The following TRAPPC9 variants were observed in gnomAD, a reference collection of about 807,000 sequenced individuals.
TRAPPC9 encodes trafficking protein particle complex subunit 9, also known as IKK2 binding protein.
TRAPPC9 carries 83 observed loss-of-function variants against 124.0 expected under a neutral mutation model. The observed-to-expected ratio is 0.67, with a 90% CI of 0.56 to 0.80. The LOEUF (loss-of-function observed/expected upper bound fraction) is 0.80. Among genes scored for constraint, TRAPPC9 ranks in the 30% least tolerant of loss-of-function variants. TRAPPC9 has a pLI of 0.00. For missense variants in TRAPPC9, 1,302 were observed against 1,508.3 expected (o/e 0.86, Z 2.27); for synonymous variants, 638 against 617.5 (o/e 1.03, Z -0.49).
intron 7 of TRAPPC9, among the ~76,000 whole-genome samples, chr8:140,377,458 C>T (rs1259757294): frequency 6.6e-6 from 1 of 152,170 alleles, no homozygotes; most frequent in African/African-American, 2.4e-5. Context: ...GACGCCACAC[C>T]CGGCTACTTT....
chr8:140,008,959 A>G (rs10108751), intron 18 of TRAPPC9, among the ~76,000 whole-genome samples: 2 of 152,046 alleles, frequency 1.3e-5, no homozygotes, highest in Non-Finnish European at 2.9e-5. Context: ...TGAATCTATC[A>G]TTGTTTCAAA....
intron 21 of TRAPPC9, among the ~76,000 whole-genome samples, chr8:139,810,570 G>A (rs1023986471): frequency 1.3e-4 from 20 of 152,252 alleles, no homozygotes; most frequent in South Asian, 4.2e-4. Context: ...ACACCACTGC[G>A]TAAAGCTCTC....
At chr8:140,109,151 C>T (rs1340165100) in intron 17 of TRAPPC9, among the ~76,000 whole-genome samples, 2 of 152,062 alleles carry the variant, frequency 1.3e-5, no homozygotes, top group African/African-American at 2.4e-5. Flanking sequence ...AAAGGGAAGG[C>T]GAGGTCGACA....
intron 21 of TRAPPC9, among the ~76,000 whole-genome samples, chr8:139,846,574 A>C (rs1324130157): frequency 6.6e-6 from 1 of 152,258 alleles, no homozygotes; most frequent in Admixed American, 6.5e-5. Context: ...ATTCACCCCC[A>C]CACACATATA....
intron 15 of TRAPPC9, among the ~76,000 whole-genome samples, chr8:140,256,743 C>T (rs2064272580): frequency 6.6e-6 from 1 of 152,152 alleles, no homozygotes; most frequent in South Asian, 2.1e-4. Flanking sequence ...TTGCCATTGG[C>T]TGTGTTACTT....
chr8:139,851,460 G>A (rs567653030), intron 21 of TRAPPC9, among the ~76,000 whole-genome samples: 7 of 152,124 alleles, frequency 4.6e-5, no homozygotes, highest in African/African-American at 7.2e-5. Flanking sequence ...GTGGTTAGAC[G>A]GTGGTGCATC....
At chr8:139,857,561 G>GAGGAAGGCA (rs1827878097) in intron 21 of TRAPPC9, among the ~76,000 whole-genome samples, 1 of 152,216 alleles carries the variant, frequency 6.6e-6, no homozygotes, top group Non-Finnish European at 1.5e-5. Flanking sequence ...GCCACTGGCC[G>GAGGAAGGCA]AGGAAGGCAT....
At chr8:140,355,115 T>C (rs1183303497) in intron 9 of TRAPPC9, among the ~76,000 whole-genome samples, 2 of 152,144 alleles carry the variant, frequency 1.3e-5, no homozygotes, top group Admixed American at 6.5e-5. Flanking sequence ...GATAAACAAA[T>C]TTTCCTGTCA....
At chr8:139,981,044 C>T (rs1171727332) in intron 19 of TRAPPC9, among the ~76,000 whole-genome samples, 1 of 152,238 alleles carries the variant, frequency 6.6e-6, no homozygotes, top group East Asian at 1.9e-4. Flanking sequence ...AGTCAGCAAA[C>T]CACTGCATCT....
chr8:139,965,438 C>A (rs748213508), intron 19 of TRAPPC9, among the ~76,000 whole-genome samples: 2 of 152,206 alleles, frequency 1.3e-5, no homozygotes, highest in African/African-American at 2.4e-5. Context: ...GAAGTCTGCA[C>A]ACGTCCTCCT....
intron 12 of TRAPPC9, among the ~76,000 whole-genome samples, chr8:140,289,121 G>A (rs1275604294): frequency 2.6e-5 from 4 of 152,160 alleles, no homozygotes; most frequent in African/African-American, 7.2e-5. Flanking sequence ...TGCAGACGCA[G>A]GGGTATACAC....
intron 20 of TRAPPC9, among the ~76,000 whole-genome samples, chr8:139,889,380 A>T (rs1443355949): frequency 1.3e-5 from 2 of 152,188 alleles, no homozygotes; most frequent in African/African-American, 2.4e-5. Flanking sequence ...CCCCAGGCAC[A>T]GACAGCCACA....
chr8:140,180,161 T>C (rs2131002430), intron 17 of TRAPPC9, among the ~76,000 whole-genome samples: 1 of 151,918 alleles, frequency 6.6e-6, no homozygotes, highest in Admixed American at 6.6e-5. Flanking sequence ...TCCTCCCTTA[T>C]TTTATAATTG....
chr8:139,837,846 T>C (rs1248633517), intron 21 of TRAPPC9, among the ~76,000 whole-genome samples: 2 of 151,630 alleles, frequency 1.3e-5, no homozygotes, highest in South Asian at 2.1e-4. Context: ...AGTCGGCCCA[T>C]GTCTGTCTGT....
At chr8:140,400,453 A>T (rs984892043) in intron 6 of TRAPPC9, among the ~76,000 whole-genome samples, 1 of 152,208 alleles carries the variant, frequency 6.6e-6, no homozygotes, top group Non-Finnish European at 1.5e-5. Flanking sequence ...AAACTCTCAC[A>T]CCTGCGGCTG....
rs573420017 is a variant in TRAPPC9, at chr8:139,846,849, C to T, written c.3055+39030G>A. ...AGGGTGAGCAGGCGCAGGTAGTAGGCTAACTGTACAGGCAGGCTGTGCATT... is the reference window on the plus strand; with the variant it reads ...AGGGTGAGCAGGCGCAGGTAGTAGGTTAACTGTACAGGCAGGCTGTGCATT... On this transcript the variant is annotated intron_variant, in intron 21 of 22. Coordinates refer to ENST00000438773, the MANE Select transcript of TRAPPC9 (RefSeq NM_001160372.4). Among the ~76,000 whole-genome samples, 3 of 152,352 alleles carry T rather than the reference C, an allele frequency of 2.0e-5. No individual in the cohort carries two copies. In the South Asian group the frequency reaches 6.2e-4, roughly 32 times the overall value.
intron 17 of TRAPPC9, among the ~76,000 whole-genome samples, chr8:140,125,849 C>G (rs910671676): frequency 6.6e-6 from 1 of 152,046 alleles, no homozygotes; most frequent in East Asian, 1.9e-4. Context: ...GATTAGACAT[C>G]TCCTTTGAGC....
rs993889782 is a variant in TRAPPC9 at position 140,284,132 on chromosome 8, G to A, written c.1982-111C>T. 292 of 1,483,624 alleles carry A rather than the reference G, an allele frequency of 2.0e-4. 1 individual carries two copies. The South Asian group carries it at 3.0e-3, about 15-fold the overall frequency. 91.9% of individuals were successfully genotyped at this position (1,483,624 alleles called of 1,614,324 possible). A position where few individuals can be genotyped will look rare whatever the true frequency, so the allele number is the denominator to read the frequency against. On this transcript the variant is annotated intron_variant, in intron 13 of 22. Coordinates refer to ENST00000438773, the MANE Select transcript of TRAPPC9 (RefSeq NM_001160372.4). ...CTCCTCTTCAGAAGACCTGAGTTCC[G>A]AAGCTGCCCGGGGCCCGCCGGCGCT...
In TRAPPC9 at chr8:140,252,028, CTT is replaced by C. The variant is rs558681366; in HGVS notation, c.2431+747_2431+748del. On this transcript the variant is annotated intron_variant, in intron 16 of 22. Coordinates refer to ENST00000438773, the MANE Select transcript of TRAPPC9 (RefSeq NM_001160372.4). This position sits in a 1 kb window ranked among gnomAD's most constrained non-coding sequence, Gnocchi z 4.2. The stretch of plus-strand genomic sequence containing the variant: ...ATTTGGCATAATTAATTTATGAAAT[CTT>C]TTTTTTTTTTTTGAGATGGAGTCTC... 2.6e-4 allele frequency among the ~76,000 whole-genome samples: 38 copies of C among 145,294 alleles called. No individual in the cohort carries two copies. Among genetic ancestry groups the C allele is most frequent in the African/African-American group, 4.5e-4 (18 of 39,616 alleles).
Sources: allele counts gnomAD v4.1 joint callset (sites outside exome capture counted in the v4.1 genomes callset), GRCh38; gene constraint gnomAD v4.1.1; non-coding constraint Gnocchi (gnomAD v3.1); transcripts MANE v1.5; gene names NCBI Gene and HGNC (gene_info 2026-07-23, HGNC 2026-07-21).